OPCML: variants seen among roughly 807,000 people sequenced by gnomAD.
OPCML encodes the protein opioid-binding protein/cell adhesion molecule.
Under a neutral mutation model 37.8 loss-of-function variants are expected in OPCML, and 13 were observed. That is an observed-to-expected ratio of 0.34 (90% CI 0.22 to 0.55). The LOEUF (loss-of-function observed/expected upper bound fraction) is 0.55, where lower values mean the gene tolerates loss of function less well. Among genes scored for constraint, OPCML ranks in the 20% least tolerant of loss-of-function variants. The pLI, the probability that OPCML is intolerant of heterozygous loss-of-function variation, is 0.91. For synonymous variants in OPCML, 176 were observed against 168.8 expected, an observed-to-expected ratio of 1.04 and a Z score of -0.33; for missense variants, 341 against 435.6, an observed-to-expected ratio of 0.78 and a Z score of 1.93.
chr11:133,194,640 T>C (rs1938465249), intron 1 of OPCML, among the ~76,000 whole-genome samples: 2 of 152,226 alleles, frequency 1.3e-5, no homozygotes, highest in Non-Finnish European at 2.9e-5. Context: ...CTCCGATACG[T>C]CCTTCACTTT....
At chr11:133,491,080 G>A (rs1248069951) in intron 1 of OPCML, among the ~76,000 whole-genome samples, 1 of 152,216 alleles carries the variant, frequency 6.6e-6, no homozygotes, top group African/African-American at 2.4e-5. Flanking sequence ...TGAATGAGAA[G>A]TCAGCAGTGT....
Position 132,700,908 on chromosome 11 carries a change from G to A in OPCML, c.147-43589C>T, listed in dbSNP as rs543941921. ...TCAAGTCCCTTACTATTACTGTATT[G>A]TTATCTATTTTGCTCTTTCATTCTG... On this transcript the variant is annotated intron_variant, in intron 2 of 7. Coordinates refer to ENST00000524381, the MANE Select transcript of OPCML (RefSeq NM_001012393.5). 8.5e-4 allele frequency among the ~76,000 whole-genome samples: 129 copies of A among 152,192 alleles called. 1 individual carries two copies. The highest frequency in any genetic ancestry group is 3.4e-3 in the Middle Eastern group (1 of 294).
chr11:133,223,770 C>T (rs973746824), intron 1 of OPCML, among the ~76,000 whole-genome samples: 2 of 152,182 alleles, frequency 1.3e-5, no homozygotes. Context: ...ACCTTACTTG[C>T]GGGCCAGTGA....
rs147327153 is a variant in OPCML at position 132,574,244 on chromosome 11, GTT to G, written c.380-45060_380-45059del. Reference sequence around the variant, plus strand: ...TGTTTATTTCTGCTCTAATCTTTGTGTTTTTTTTTTTTTGGTTTTTTTGTTTG... The same window carrying G: ...TGTTTATTTCTGCTCTAATCTTTGTGTTTTTTTTTTTGGTTTTTTTGTTTG... On this transcript the variant is annotated intron_variant, in intron 3 of 7. Transcript: ENST00000524381. Among the ~76,000 whole-genome samples, 60 of 129,786 alleles carry G rather than the reference GTT, an allele frequency of 4.6e-4. No individual in the cohort carries two copies. The East Asian group carries it at 0.012, about 26-fold the overall frequency. The allele number at this position is 129,786 out of a possible 152,430, so 85.1% of individuals were successfully genotyped here. A position where few individuals can be genotyped will look rare whatever the true frequency, so the allele number is the denominator to read the frequency against.
chr11:132,470,381 A>G (rs1245097067), intron 4 of OPCML, among the ~76,000 whole-genome samples: 1 of 152,114 alleles, frequency 6.6e-6, no homozygotes, highest in Non-Finnish European at 1.5e-5. Context: ...ATTTTTTTCT[A>G]TGTGCTACAA....
intron 1 of OPCML, among the ~76,000 whole-genome samples, chr11:133,023,136 G>A (rs1329163302): frequency 6.6e-6 from 1 of 152,192 alleles, no homozygotes; most frequent in Non-Finnish European, 1.5e-5. Flanking sequence ...TGCAACAGTT[G>A]TAGGACTCAG....
chr11:132,738,840 C>CTGAG (rs1591538840), intron 2 of OPCML, among the ~76,000 whole-genome samples: 2 of 152,312 alleles, frequency 1.3e-5, no homozygotes, highest in East Asian at 3.9e-4. Context: ...GTGGTACCTT[C>CTGAG]AACCTTGTAT....
At chr11:133,237,037 T>C (rs1731761465) in intron 1 of OPCML, among the ~76,000 whole-genome samples, 1 of 152,200 alleles carries the variant, frequency 6.6e-6, no homozygotes, top group Admixed American at 6.5e-5. Flanking sequence ...TGCTGTTTCT[T>C]TACAGCACCG....
At chr11:133,302,263 T>C (rs543900604) in intron 1 of OPCML, 1 of 152,290 alleles carries the variant, frequency 6.6e-6, no homozygotes, top group Admixed American at 6.5e-5. Flanking sequence ...GGTTCCCCCA[T>C]GCTGTTCTCA....
rs1232385100 is a variant in OPCML, at chr11:132,807,865, A to G, written c.146+135061T>C. 3.3e-5 allele frequency among the ~76,000 whole-genome samples: 5 copies of G among 152,360 alleles called. No individual in the cohort carries two copies. In the East Asian group the frequency reaches 9.6e-4, roughly 29 times the overall value. On this transcript the variant is annotated intron_variant, in intron 2 of 7. Transcript: ENST00000524381. ...GGATGGATTAATACCACTCTCAAGC[A>G]AACTCTAGCCTGAAGAGGAAATTCT...
intron 1 of OPCML, among the ~76,000 whole-genome samples, chr11:133,050,941 C>T (rs907017854): frequency 8.6e-5 from 13 of 151,992 alleles, no homozygotes; most frequent in East Asian, 7.7e-4. Flanking sequence ...CTCAAACTTG[C>T]GAGACACCCA....
intron 2 of OPCML, among the ~76,000 whole-genome samples, chr11:132,698,170 A>G (rs3016387): frequency 0.5 from 75,297 of 151,652 alleles, 18,832 homozygotes; most frequent in Admixed American, 0.57. Context: ...CAGAAGTAAG[A>G]TTGCTGGATC....
intron 1 of OPCML, chr11:133,360,630 G>A (rs1173829840): frequency 6.6e-6 from 1 of 152,348 alleles, no homozygotes; most frequent in Non-Finnish European, 1.5e-5. Flanking sequence ...GAAGGGAGGA[G>A]GGAAGAAGGG....
chr11:133,468,964 A>G (rs1295531037), intron 1 of OPCML, among the ~76,000 whole-genome samples: 1 of 152,192 alleles, frequency 6.6e-6, no homozygotes, highest in East Asian at 1.9e-4. Context: ...GAAAAATGGT[A>G]GGATAGTCAC....
intron 2 of OPCML, among the ~76,000 whole-genome samples, chr11:132,762,652 A>G (rs1349153079): frequency 6.6e-6 from 1 of 152,124 alleles, no homozygotes; most frequent in Non-Finnish European, 1.5e-5. Context: ...GTAATGGTGG[A>G]TGCCCGTCCC....
chr11:132,525,097 C>T (rs780123709), intron 4 of OPCML, among the ~76,000 whole-genome samples: 6 of 152,128 alleles, frequency 3.9e-5, no homozygotes, highest in East Asian at 1.9e-4. Context: ...AGGTAGAGAT[C>T]GCATTTCTGT....
intron 2 of OPCML, among the ~76,000 whole-genome samples, chr11:132,866,677 G>T (rs1416961549): frequency 2.6e-5 from 4 of 152,120 alleles, no homozygotes; most frequent in Non-Finnish European, 5.9e-5. Context: ...ACGAATATTT[G>T]CATAACATTT....
rs1302439656 is a variant in OPCML at position 132,943,115 on chromosome 11, G to A, written c.62-105C>T. The stretch of plus-strand genomic sequence containing the variant: ...CATTCTCGACAGCCACAACTTCCCA[G>A]GACTCCGGCAGCCGCACAGTCCTGG... On this transcript the variant is annotated intron_variant, in intron 1 of 7. Transcript: ENST00000524381. This position sits in a 1 kb window ranked among gnomAD's most constrained non-coding sequence, Gnocchi z 4.3. 1 of 1,614,034 alleles carries A rather than the reference G, an allele frequency of 6.2e-7. No homozygotes were observed. The highest frequency in any genetic ancestry group is 8.5e-7 in the Non-Finnish European group (1 of 1,179,922).
intron 1 of OPCML, among the ~76,000 whole-genome samples, chr11:133,332,525 T>C (rs983196477): frequency 1.3e-5 from 2 of 152,176 alleles, no homozygotes; most frequent in Non-Finnish European, 2.9e-5. Flanking sequence ...TGTAATGGTT[T>C]TCAAGGGCAA....
Sources: allele counts gnomAD v4.1 joint callset (sites outside exome capture counted in the v4.1 genomes callset), GRCh38; gene constraint gnomAD v4.1.1; non-coding constraint Gnocchi (gnomAD v3.1); transcripts MANE v1.5; gene names NCBI Gene and HGNC (gene_info 2026-07-23, HGNC 2026-07-21).